The following LRP1B variants were observed in gnomAD, a reference collection of about 807,000 sequenced individuals.
LRP1B encodes LDL receptor related protein 1B.
LRP1B carries 217 observed loss-of-function variants against 556.6 expected under a neutral mutation model. That is an observed-to-expected ratio of 0.39 (90% CI 0.35 to 0.44). The LOEUF is 0.44. Among genes scored for constraint, LRP1B ranks in the 20% least tolerant of loss-of-function variants. The probability of loss-of-function intolerance (pLI) is 1.00; values close to 1 mark genes in which losing one functional copy is unlikely to be tolerated. For missense variants in LRP1B, 5,053 were observed against 5,620.8 expected (o/e 0.90, Z 3.23); for synonymous variants, 2,047 against 1,865.8 (o/e 1.10, Z -2.50).
At chr2:141,887,734 C>A (rs1313784534) in intron 1 of LRP1B, among the ~76,000 whole-genome samples, 1 of 152,166 alleles carries the variant, frequency 6.6e-6, no homozygotes, top group African/African-American at 2.4e-5. Flanking sequence ...ACTAAGAATT[C>A]TTGTCCACAA....
intron 41 of LRP1B, among the ~76,000 whole-genome samples, chr2:140,663,444 C>T (rs777285197): frequency 6.6e-6 from 1 of 152,166 alleles, no homozygotes; most frequent in Non-Finnish European, 1.5e-5. Context: ...CTTACTGCAG[C>T]TTCTACATCA....
intron 1 of LRP1B, among the ~76,000 whole-genome samples, chr2:141,863,786 C>A (rs1489575321): frequency 6.6e-6 from 1 of 151,826 alleles, no homozygotes; most frequent in Non-Finnish European, 1.5e-5. Context: ...CTATTTGATT[C>A]ATTGTCTTTT....
intron 29 of LRP1B, among the ~76,000 whole-genome samples, chr2:140,849,489 G>GA (rs942401987): frequency 4.0e-5 from 6 of 150,758 alleles, no homozygotes; most frequent in Non-Finnish European, 7.4e-5. Context: ...TCCTCCATCA[G>GA]AAAAAAAGAC....
At chr2:140,965,752 T>C (rs1696191980) in intron 18 of LRP1B, among the ~76,000 whole-genome samples, 2 of 151,710 alleles carry the variant, frequency 1.3e-5, no homozygotes, top group South Asian at 4.1e-4. Flanking sequence ...TTCCCTGTCC[T>C]GTGTCCAAGT....
intron 2 of LRP1B, among the ~76,000 whole-genome samples, chr2:141,609,462 AAC>A (rs1441585420): frequency 1.3e-5 from 2 of 152,244 alleles, no homozygotes; most frequent in Non-Finnish European, 2.9e-5. Context: ...GTGCAATTAC[AAC>A]AGTCTTAAAT....
intron 66 of LRP1B, among the ~76,000 whole-genome samples, chr2:140,395,020 C>T (rs917067448): frequency 2.0e-5 from 3 of 152,168 alleles, no homozygotes; most frequent in African/African-American, 7.2e-5. Flanking sequence ...TCTACTCTAT[C>T]CACTCCTTGT....
intron 6 of LRP1B, among the ~76,000 whole-genome samples, chr2:141,215,393 T>A (rs1174271935): frequency 2.6e-5 from 4 of 152,170 alleles, no homozygotes; most frequent in African/African-American, 9.7e-5. Flanking sequence ...CTAATACAGA[T>A]AATTGGTACA....
chr2:140,604,070 A>T (rs1199675955), intron 41 of LRP1B, among the ~76,000 whole-genome samples: 4 of 152,082 alleles, frequency 2.6e-5, no homozygotes, highest in African/African-American at 9.7e-5. Context: ...TAGTTTGAAA[A>T]TAAAATAAAA....
intron 2 of LRP1B, among the ~76,000 whole-genome samples, chr2:141,699,616 G>T (rs1264742762): frequency 6.6e-6 from 1 of 151,118 alleles, no homozygotes; most frequent in Non-Finnish European, 1.5e-5. Flanking sequence ...CACCTCTCCG[G>T]TGCCAAAATA....
At chr2:141,873,449 G>C (rs1209120705) in intron 1 of LRP1B, among the ~76,000 whole-genome samples, 3 of 151,962 alleles carry the variant, frequency 2.0e-5, no homozygotes, top group Non-Finnish European at 2.9e-5. Context: ...TTGGGAATCA[G>C]AGTTCTCATC....
intron 13 of LRP1B, 39 bp downstream of exon 13, chr2:141,015,657 G>T (rs2105388645): frequency 6.8e-7 from 1 of 1,469,072 alleles, no homozygotes; most frequent in South Asian, 1.2e-5. Flanking sequence ...GTGAAAAAAA[G>T]AAGCCTGTGG....
At chr2:140,345,745 T>C (rs1681623674) in intron 77 of LRP1B, among the ~76,000 whole-genome samples, 1 of 125,912 alleles carries the variant, frequency 7.9e-6, no homozygotes, top group Non-Finnish European at 1.7e-5. Context: ...TATACATATA[T>C]ATACACATAT....
intron 3 of LRP1B, among the ~76,000 whole-genome samples, chr2:141,255,273 G>C (rs892187963): frequency 2.2e-4 from 34 of 151,930 alleles, no homozygotes; most frequent in Non-Finnish European, 2.7e-4. Context: ...ATCGCTAACA[G>C]AAATAAGATT....
chr2:140,511,402 C>T (rs957052827), intron 51 of LRP1B, among the ~76,000 whole-genome samples: 13 of 147,288 alleles, frequency 8.8e-5, no homozygotes, highest in Admixed American at 3.5e-4. Context: ...CCCGGGTTCA[C>T]GCCATTCTCC....
chr2:140,315,361 C>T (rs673723), intron 82 of LRP1B, among the ~76,000 whole-genome samples: 82,586 of 151,896 alleles, frequency 0.54, 22,815 homozygotes, highest in African/African-American at 0.59. Flanking sequence ...TTGTAAAATA[C>T]TGAATAGTAA....
chr2:141,902,421 A>G (rs778254108), intron 1 of LRP1B, among the ~76,000 whole-genome samples: 12 of 152,000 alleles, frequency 7.9e-5, no homozygotes, highest in Non-Finnish European at 1.3e-4. Context: ...GTTAAAATCC[A>G]TTTGACAATA....
chr2:141,399,256 GAAAT>G (rs1464964616), intron 3 of LRP1B, among the ~76,000 whole-genome samples: 1 of 151,788 alleles, frequency 6.6e-6, no homozygotes, highest in African/African-American at 2.4e-5. Flanking sequence ...ACTCTGTCTC[GAAAT>G]AAATAAATAA....
intron 1 of LRP1B, among the ~76,000 whole-genome samples, chr2:141,890,848 C>T (rs1463941537): frequency 1.3e-5 from 2 of 151,940 alleles, no homozygotes; most frequent in African/African-American, 4.8e-5. Context: ...TCCATGAAGC[C>T]ACTGGTTATT....
At chr2:141,175,368 A>G (rs115678146) in intron 7 of LRP1B, among the ~76,000 whole-genome samples, 3,760 of 152,220 alleles carry the variant, frequency 0.025, 60 homozygotes, top group Non-Finnish European at 0.036. Flanking sequence ...AAGTGGTTCC[A>G]CCCAGAGCCC....
Sources: allele counts gnomAD v4.1 joint callset (sites outside exome capture counted in the v4.1 genomes callset), GRCh38; gene constraint gnomAD v4.1.1; transcripts MANE v1.5; gene names NCBI Gene and HGNC (gene_info 2026-07-23, HGNC 2026-07-21).